Variants in ZNF385D observed in about 807,000 individuals in gnomAD.
ZNF385D encodes the protein zinc finger protein 659.
A neutral mutation model predicts 35.8 loss-of-function variants in ZNF385D; 15 were observed. The ratio of observed to expected loss-of-function variants is 0.42; its 90% CI spans 0.28 to 0.64. ZNF385D has a LOEUF of 0.64. ZNF385D is among the 30% of genes least tolerant of loss of function. The pLI is 0.23. For synonymous variants in ZNF385D, 212 were observed against 186.8 expected (o/e 1.13, Z -1.10); for missense variants, 474 against 494.6 (o/e 0.96, Z 0.39).
At chr3:21,617,592 C>T (rs6785629) in intron 2 of ZNF385D, among the ~76,000 whole-genome samples, 4,113 of 152,182 alleles carry the variant, frequency 0.027, 189 homozygotes, top group African/African-American at 0.094. Context: ...TGCAGAAACC[C>T]AACACATGAA....
chr3:21,759,120 T>C (rs997788299), intron 3 of ZNF385D, among the ~76,000 whole-genome samples: 9 of 148,900 alleles, frequency 6.0e-5, no homozygotes, highest in African/African-American at 2.2e-4. Flanking sequence ...TATCCAAAAA[T>C]ATAACTAAAA....
chr3:21,598,309 A>T (rs770092220), intron 2 of ZNF385D, among the ~76,000 whole-genome samples: 1 of 152,200 alleles, frequency 6.6e-6, no homozygotes, highest in South Asian at 2.1e-4. Context: ...AAAGGTAAGG[A>T]TAAGCAGTAG....
intron 3 of ZNF385D, among the ~76,000 whole-genome samples, chr3:22,118,934 G>A (rs1016769709): frequency 6.6e-6 from 1 of 152,062 alleles, no homozygotes; most frequent in Non-Finnish European, 1.5e-5. Flanking sequence ...TTATCGACCA[G>A]ACTGAAAAAT....
chr3:21,815,987 T>C (rs755840479), intron 3 of ZNF385D, among the ~76,000 whole-genome samples: 17 of 152,164 alleles, frequency 1.1e-4, no homozygotes, highest in Admixed American at 2.6e-4. Context: ...ACTGCCATGA[T>C]CAAGTGGGCT....
chr3:21,965,868 G>A (rs1576028471), intron 3 of ZNF385D, among the ~76,000 whole-genome samples: 3 of 152,118 alleles, frequency 2.0e-5, no homozygotes, highest in Admixed American at 1.3e-4. Context: ...AGGAATGGAA[G>A]AAGAAGAGAT....
chr3:21,847,686 G>A (rs1004701620), intron 3 of ZNF385D, among the ~76,000 whole-genome samples: 1 of 151,946 alleles, frequency 6.6e-6, no homozygotes, highest in African/African-American at 2.4e-5. Context: ...ATACTTTTAT[G>A]AGTTTTGGTA....
At chr3:21,785,849 A>C (rs1234759347) in intron 3 of ZNF385D, among the ~76,000 whole-genome samples, 1 of 152,140 alleles carries the variant, frequency 6.6e-6, no homozygotes, top group African/African-American at 2.4e-5. Context: ...GACTAACTGT[A>C]CTGAATGTGG....
chr3:21,589,336 G>C (rs956323113), intron 2 of ZNF385D, among the ~76,000 whole-genome samples: 24 of 151,504 alleles, frequency 1.6e-4, no homozygotes, highest in Non-Finnish European at 4.4e-5. Context: ...TCATTCAGTG[G>C]AGACAGAAAA....
chr3:22,028,095 G>A (rs1697680500), intron 3 of ZNF385D, among the ~76,000 whole-genome samples: 1 of 152,162 alleles, frequency 6.6e-6, no homozygotes, highest in Non-Finnish European at 1.5e-5. Context: ...TCAATGGTTT[G>A]GCTGGATGGT....
Position 22,327,905 on chromosome 3 carries a change from C to A in ZNF385D, c.106+44545G>T, listed in dbSNP as rs539293377. On this transcript the variant is annotated intron_variant, in intron 2 of 5. Transcript: ENST00000494108. Reference sequence around the variant, plus strand: ...TTTCAACACTTGAGGTGTAACATAACAAAACCTAATAATTTTAATATGAAA... The same window carrying A: ...TTTCAACACTTGAGGTGTAACATAAAAAAACCTAATAATTTTAATATGAAA... 1.4e-4 allele frequency among the ~76,000 whole-genome samples: 22 copies of A among 152,262 alleles called. No individual in the cohort carries two copies. In the South Asian group the frequency reaches 4.4e-3, roughly 30 times the overall value.
chr3:21,732,185 G>T (rs570628581), intron 1 of ZNF385D, among the ~76,000 whole-genome samples: 51 of 151,590 alleles, frequency 3.4e-4, no homozygotes, highest in African/African-American at 1.2e-3. Flanking sequence ...GAGTAGCTGG[G>T]ATTACAGGTG....
chr3:22,212,169 G>C (rs1023799299), intron 2 of ZNF385D, among the ~76,000 whole-genome samples: 4 of 151,946 alleles, frequency 2.6e-5, no homozygotes, highest in African/African-American at 9.7e-5. Flanking sequence ...TCCCAGAAGA[G>C]TGCAAAGGAC....
At chr3:22,167,526 G>T (rs1324789071) in intron 3 of ZNF385D, among the ~76,000 whole-genome samples, 1 of 152,170 alleles carries the variant, frequency 6.6e-6, no homozygotes, top group Non-Finnish European at 1.5e-5. Context: ...ATGTGACAAG[G>T]GCTCAGGACC....
intron 4 of ZNF385D, among the ~76,000 whole-genome samples, chr3:21,500,492 G>C (rs114212200): frequency 0.022 from 3,325 of 152,260 alleles, 91 homozygotes; most frequent in African/African-American, 0.065. Context: ...AAGTAGGAAT[G>C]AGCCAACTAA....
chr3:21,872,335 CTT>C (rs1458634188), intron 3 of ZNF385D, among the ~76,000 whole-genome samples: 6 of 152,126 alleles, frequency 3.9e-5, no homozygotes, highest in Non-Finnish European at 8.8e-5. Context: ...GTTGTAAAGA[CTT>C]TGAGGTCAAG....
intron 3 of ZNF385D, among the ~76,000 whole-genome samples, chr3:22,019,112 C>T (rs1697073167): frequency 7.9e-6 from 1 of 126,100 alleles, no homozygotes; most frequent in African/African-American, 3.1e-5. Flanking sequence ...CTTCAAGAGC[C>T]TTTATTCCTA....
At chr3:21,821,177 G>A (rs1314577329) in intron 3 of ZNF385D, among the ~76,000 whole-genome samples, 1 of 151,590 alleles carries the variant, frequency 6.6e-6, no homozygotes, top group Non-Finnish European at 1.5e-5. Flanking sequence ...TATGAGACAA[G>A]AATAGTAGAA....
chr3:21,490,119 A>C (rs1217130103), intron 4 of ZNF385D, among the ~76,000 whole-genome samples: 1 of 151,936 alleles, frequency 6.6e-6, no homozygotes, highest in Non-Finnish European at 1.5e-5. Context: ...TTTGCTCTCC[A>C]ACTCTTGTTG....
chr3:22,229,998 T>C lies in ZNF385D; in HGVS notation c.107-60963A>G, dbSNP rs1008671708. Among the ~76,000 whole-genome samples the C allele has an allele frequency of 7.7e-4, 117 of 152,268 alleles. 1 individual carries two copies. Among genetic ancestry groups the C allele is most frequent in the Non-Finnish European group, 2.4e-4 (16 of 68,022 alleles). Reference sequence around the variant, plus strand: ...ACACCTTCTCTGCAGAAAGTAGAAATCTAAAGGGGAAAAATAACAAGGGTC... The same window carrying C: ...ACACCTTCTCTGCAGAAAGTAGAAACCTAAAGGGGAAAAATAACAAGGGTC... On this transcript the variant is annotated intron_variant, in intron 2 of 5. Coordinates refer to the ZNF385D transcript ENST00000494108.
Sources: gnomAD v4.1 joint callset for allele counts (sites outside exome capture counted in the v4.1 genomes callset) on GRCh38, gnomAD v4.1.1 for gene constraint, MANE v1.5 for transcripts, NCBI Gene and HGNC (gene_info 2026-07-23, HGNC 2026-07-21) for gene names.